CEP43: variants seen among roughly 807,000 people sequenced by gnomAD.
The protein encoded by CEP43 is FGFR1 oncogene partner.
Under a neutral mutation model 52.6 loss-of-function variants are expected in CEP43, and 36 were observed. The ratio of observed to expected loss-of-function variants is 0.68; its 90% confidence interval spans 0.52 to 0.90. CEP43 has a LOEUF of 0.90. CEP43 is among the 40% of genes least tolerant of loss of function. The pLI is 0.00. For synonymous variants in CEP43, 192 were observed against 172.4 expected, an observed-to-expected ratio of 1.11 and a Z score of -0.89; for missense variants, 506 against 472.8, an observed-to-expected ratio of 1.07 and a Z score of -0.65.
intron 12 of CEP43, chr6:167,036,779 T>G (rs868689797): frequency 1.0e-6 from 1 of 984,886 alleles, no homozygotes; most frequent in African/African-American, 1.7e-5. Context: ...TAAGGAGGCA[T>G]GAAAGCCGCC....
intron 12 of CEP43, chr6:167,036,711 A>G (rs762606071): frequency 2.2e-5 from 22 of 983,404 alleles, no homozygotes; most frequent in Middle Eastern, 5.2e-4. Context: ...TTTGTGATGT[A>G]AAATCTATTT....
At chr6:167,024,153 C>T (rs1044076792) in intron 8 of CEP43, among the ~76,000 whole-genome samples, 6 of 152,056 alleles carry the variant, frequency 3.9e-5, no homozygotes, top group African/African-American at 9.7e-5. Flanking sequence ...GTGTGGGTCT[C>T]ATTGTAGGCA....
intron 12 of CEP43, among the ~76,000 whole-genome samples, chr6:167,035,143 A>T (rs772707035): frequency 3.5e-4 from 53 of 152,264 alleles, no homozygotes; most frequent in Non-Finnish European, 6.5e-4. Flanking sequence ...ACTGCTTCTC[A>T]CTGGGTCCTA....
At chr6:167,039,273 G>A (rs1025999649) in intron 12 of CEP43, among the ~76,000 whole-genome samples, 4 of 152,120 alleles carry the variant, frequency 2.6e-5, no homozygotes, top group African/African-American at 9.7e-5. Context: ...GGGACTACAG[G>A]CACCCGCTAT....
intron 12 of CEP43, among the ~76,000 whole-genome samples, chr6:167,039,438 C>CT (rs1158452967): frequency 6.6e-6 from 1 of 152,128 alleles, no homozygotes; most frequent in African/African-American, 2.4e-5. Context: ...CTATTTGTTC[C>CT]TTTTTATGGC....
intron 7 of CEP43, among the ~76,000 whole-genome samples, chr6:167,014,221 A>C (rs1413500201): frequency 1.3e-5 from 2 of 152,202 alleles, no homozygotes; most frequent in Admixed American, 1.3e-4. Flanking sequence ...TTGAATACGT[A>C]CCTATTGATA....
intron 10 of CEP43, among the ~76,000 whole-genome samples, chr6:167,028,873 C>T (rs1008373052): frequency 2.6e-5 from 4 of 152,040 alleles, no homozygotes; most frequent in African/African-American, 9.7e-5. Flanking sequence ...AAATAATCTA[C>T]AAATAAAGCT....
At chr6:167,032,552 G>A in intron 10 of CEP43, 51 bp from the exon 11 acceptor site, 1 of 1,473,920 alleles carries the variant, frequency 6.8e-7, no homozygotes, top group Non-Finnish European at 9.1e-7. Context: ...TTAATGGTAG[G>A]TAAATTGTGA....
chr6:167,036,046 A>G, intron 12 of CEP43: 1 of 984,520 alleles, frequency 1.0e-6, no homozygotes, highest in Non-Finnish European at 1.2e-6. Flanking sequence ...TGTCGTAGGC[A>G]CAGATATAGA....
rs890944217 is a variant in CEP43, at chr6:167,047,715, G to A, written c.*7737G>A. ...TTCCTCCTCAAAGCTCTCGCCCCGC[G>A]CCGAGCTACTGTGATGTATTTTTAT... On this transcript the variant is annotated 3_prime_UTR_variant, in exon 13 of 13. Transcript: ENST00000366847. 2.6e-5 allele frequency: 4 copies of A among 152,110 alleles called. No homozygotes were observed. The highest frequency in any genetic ancestry group is 2.0e-4 in the Admixed American group (3 of 15,276). The allele number at this position is 152,110 out of a possible 1,614,324, so 9.4% of individuals were successfully genotyped here.
intron 7 of CEP43, among the ~76,000 whole-genome samples, chr6:167,015,358 C>T (rs540976339): frequency 6.6e-6 from 1 of 152,324 alleles, no homozygotes; most frequent in Admixed American, 6.5e-5. Flanking sequence ...TATGGGTAAG[C>T]CCTTAGCTCT....
At chr6:167,009,951 AAG>A (rs1307893087) in intron 5 of CEP43, among the ~76,000 whole-genome samples, 22 of 152,234 alleles carry the variant, frequency 1.4e-4, no homozygotes, top group African/African-American at 4.8e-4. Context: ...AGAAGGCAAT[AAG>A]AGAAAAGAAA....
chr6:167,040,662 C>T lies in CEP43; in HGVS notation c.*684C>T, dbSNP rs1220779376. On this transcript the variant is annotated 3_prime_UTR_variant, in exon 13 of 13. Coordinates refer to ENST00000366847, the MANE Select transcript of CEP43 (RefSeq NM_007045.4). ...TTGTCAATAACATAACATTTGCAAT[C>T]GTCATTCCTCCTGTTATCCATGTAA... 9.8e-6 allele frequency: 10 copies of T among 1,021,080 alleles called. No homozygotes were observed. Among genetic ancestry groups the T allele is most frequent in the South Asian group, 4.6e-5 (1 of 21,776 alleles). The allele number at this position is 1,021,080 out of a possible 1,614,324, so 63.3% of individuals were successfully genotyped here.
chr6:167,027,918 G>A (rs1562531215), intron 10 of CEP43: 1 of 985,830 alleles, frequency 1.0e-6, no homozygotes, highest in East Asian at 1.1e-4. Flanking sequence ...ACAGTGCCCT[G>A]GAGTCCTGGT....
intron 5 of CEP43, among the ~76,000 whole-genome samples, chr6:167,009,958 A>G (rs1472702353): frequency 6.6e-6 from 1 of 152,366 alleles, no homozygotes; most frequent in Admixed American, 6.5e-5. Context: ...AATAAGAGAA[A>G]AGAAAAGCTC....
chr6:167,022,140 G>A (rs1562529027), intron 7 of CEP43, among the ~76,000 whole-genome samples: 1 of 152,122 alleles, frequency 6.6e-6, no homozygotes, highest in African/African-American at 2.4e-5. Context: ...GAAAGGAATG[G>A]TATTAATATA....
intron 12 of CEP43, among the ~76,000 whole-genome samples, chr6:167,034,329 T>C (rs923858371): frequency 2.6e-5 from 4 of 152,200 alleles, no homozygotes; most frequent in African/African-American, 9.7e-5. Context: ...AGGAGGAAGC[T>C]GAGCCTGGAG....
rs1036705255 is a variant in CEP43, at chr6:167,003,341, T to G, written c.211+94T>G. 8 of 648,200 alleles carry G rather than the reference T, an allele frequency of 1.2e-5. No homozygotes were observed. The East Asian group carries it at 2.3e-4, about 18-fold the overall frequency. The allele number at this position is 648,200 out of a possible 1,614,324, so 40.2% of individuals were successfully genotyped here. Reference sequence around the variant, plus strand: ...ATCAGGAATTTCAGGGCTTTTTTTTTGTCTTCAATTGTTATAGGTCCTCAT... The same window carrying G: ...ATCAGGAATTTCAGGGCTTTTTTTTGGTCTTCAATTGTTATAGGTCCTCAT... On this transcript the variant is annotated intron_variant, in intron 3 of 12. Transcript: ENST00000366847.
rs950137924 is a variant in CEP43, at chr6:167,052,516, G to A, written c.*12538G>A. The A allele has an allele frequency of 6.6e-6, 1 of 152,162 alleles. No homozygotes were observed. The highest frequency in any genetic ancestry group is 2.4e-5 in the African/African-American group (1 of 41,434). 9.4% of individuals were successfully genotyped at this position (152,162 alleles called of 1,614,324 possible). On this transcript the variant is annotated 3_prime_UTR_variant, in exon 13 of 13. Transcript: ENST00000366847. ...CATCTTATTAGAACAGTGTATCCTG[G>A]AGGACATCCCTTGCCTTTCACCAAG...
Sources: gnomAD v4.1 joint callset for allele counts (sites outside exome capture counted in the v4.1 genomes callset) on GRCh38, gnomAD v4.1.1 for gene constraint, MANE v1.5 for transcripts, NCBI Gene and HGNC (gene_info 2026-07-23, HGNC 2026-07-21) for gene names.